PAPOLG: variants seen among roughly 807,000 people sequenced by gnomAD.
The protein encoded by PAPOLG is PAP-gamma.
A neutral mutation model predicts 99.0 loss-of-function variants in PAPOLG; 40 were observed. The observed-to-expected ratio is 0.40, with a 90% CI of 0.31 to 0.53. PAPOLG has a LOEUF of 0.53. Ranked by LOEUF, PAPOLG falls within the 20% of genes least tolerant of loss-of-function variation. PAPOLG has a pLI of 0.41. For missense variants in PAPOLG, 675 were observed against 884.1 expected, an observed-to-expected ratio of 0.76 and a Z score of 3.00; for synonymous variants, 310 against 299.3, an observed-to-expected ratio of 1.04 and a Z score of -0.37.
intron 19 of PAPOLG, 101 bp downstream of exon 19, chr2:60,794,292 G>A: frequency 1.7e-6 from 2 of 1,203,112 alleles, no homozygotes; most frequent in East Asian, 2.6e-5. Flanking sequence ...TTAGGAGTTG[G>A]CTGAAAAGAA....
chr2:60,761,973 G>A (rs934768695), intron 3 of PAPOLG, among the ~76,000 whole-genome samples, 166 bp downstream of exon 3: 1 of 152,266 alleles, frequency 6.6e-6, no homozygotes, highest in South Asian at 2.1e-4. Context: ...AGTAGATGAG[G>A]ATTACCCAGA....
At chr2:60,791,712 C>G (rs2103822299) in intron 15 of PAPOLG, 49 bp from the exon 16 acceptor site, 2 of 1,556,012 alleles carry the variant, frequency 1.3e-6, no homozygotes, top group African/African-American at 1.4e-5. Flanking sequence ...TAGGCAGAAC[C>G]CTTGGTTCAG....
chr2:60,776,571 G>T (rs890119901), intron 8 of PAPOLG, among the ~76,000 whole-genome samples: 7 of 151,886 alleles, frequency 4.6e-5, no homozygotes, highest in Non-Finnish European at 1.5e-5. Context: ...GGAATTACAG[G>T]CATGTGCCAC....
At chr2:60,772,421 T>G (rs1156321230) in intron 7 of PAPOLG, among the ~76,000 whole-genome samples, 1 of 145,080 alleles carries the variant, frequency 6.9e-6, no homozygotes, top group Non-Finnish European at 1.5e-5. Context: ...CACTCTAGCT[T>G]AGGTGACAGA....
chr2:60,779,439 C>G, intron 8 of PAPOLG, 198 bp from the exon 9 acceptor site: 1 of 526,092 alleles, frequency 1.9e-6, no homozygotes, highest in East Asian at 3.0e-5. Context: ...ACTAATTAGA[C>G]TGTGGGCCTA....
intron 14 of PAPOLG, 95 bp from the exon 15 acceptor site, chr2:60,787,416 G>A (rs1313281277): frequency 7.1e-7 from 1 of 1,405,050 alleles, no homozygotes; most frequent in African/African-American, 1.5e-5. Flanking sequence ...TTGTGAGATA[G>A]AGACATAGAG....
rs139081260 is a variant in PAPOLG at position 60,768,258 on chromosome 2, C to T, written c.247-212C>T. ...CTGGGATTACAGGTGGCCACCACCA[C>T]GCCCAGCTAACTTTTGTATTCCTAG... On this transcript the variant is annotated intron_variant, in intron 3 of 21. Transcript: ENST00000238714. Among the ~76,000 whole-genome samples, 98 of 152,288 alleles carry T rather than the reference C, an allele frequency of 6.4e-4. 2 individuals carry two copies. In the East Asian group the frequency reaches 0.015, roughly 24 times the overall value.
At chr2:60,791,573 A>C in intron 15 of PAPOLG, 188 bp from the exon 16 acceptor site, 3 of 488,964 alleles carry the variant, frequency 6.1e-6, no homozygotes, top group Non-Finnish European at 1.0e-5. Flanking sequence ...AAACTAGTGG[A>C]TTCATGAATA....
intron 8 of PAPOLG, among the ~76,000 whole-genome samples, chr2:60,777,222 G>T (rs929773578): frequency 6.6e-6 from 1 of 152,128 alleles, no homozygotes; most frequent in Admixed American, 6.6e-5. Flanking sequence ...TTGGGAGGCC[G>T]AGGCGAGCGG....
intron 1 of PAPOLG, 156 bp from the exon 2 acceptor site, chr2:60,759,978 C>A (rs1045438005): frequency 1.3e-5 from 3 of 225,144 alleles, no homozygotes; most frequent in African/African-American, 7.0e-5. Flanking sequence ...CATAAAATAC[C>A]CATTTTTCCT....
intron 3 of PAPOLG, among the ~76,000 whole-genome samples, chr2:60,766,899 A>G (rs891348337): frequency 6.6e-6 from 1 of 152,186 alleles, no homozygotes; most frequent in Non-Finnish European, 1.5e-5. Flanking sequence ...AGGCCCAAGG[A>G]TCCTTACCTC....
At chr2:60,778,312 A>AATTTT (rs70959864) in intron 8 of PAPOLG, among the ~76,000 whole-genome samples, 29,894 of 147,852 alleles carry the variant, frequency 0.2, 3,357 homozygotes, top group Middle Eastern at 0.25. Context: ...ACACCCGGCT[A>AATTTT]ATTTTATTTT....
At chr2:60,758,714 G>A (rs1670432723) in intron 1 of PAPOLG, among the ~76,000 whole-genome samples, 1 of 152,008 alleles carries the variant, frequency 6.6e-6, no homozygotes, top group Non-Finnish European at 1.5e-5. Flanking sequence ...CAGGCATGAG[G>A]CACCACGCCC....
chr2:60,774,109 T>G (rs1392350678), intron 7 of PAPOLG, among the ~76,000 whole-genome samples: 1 of 152,174 alleles, frequency 6.6e-6, no homozygotes, highest in Non-Finnish European at 1.5e-5. Context: ...TTGTTTTTTT[T>G]TTGAGACGGG....
Position 60,761,826 on chromosome 2 carries a change from T to C in PAPOLG, c.246+19T>C, listed in dbSNP as rs1242314810. 1 of 1,504,120 alleles carries C rather than the reference T, an allele frequency of 6.6e-7. No individual in the cohort carries two copies. Among genetic ancestry groups the C allele is most frequent in the South Asian group, 1.2e-5 (1 of 86,192 alleles). The allele number at this position is 1,504,120 out of a possible 1,614,324, so 93.2% of individuals were successfully genotyped here. A position where few individuals can be genotyped will look rare whatever the true frequency, so the allele number is the denominator to read the frequency against. On this transcript the variant is annotated intron_variant, in intron 3 of 21. Coordinates refer to ENST00000238714, the MANE Select transcript of PAPOLG (RefSeq NM_022894.4). ...GAGTAAGGTAAGACTCTAAACTATG[T>C]GGAATTCTTGTTTTTATTATATCTT... is the stretch of plus-strand genomic sequence containing the variant.
intron 12 of PAPOLG, 112 bp downstream of exon 12, chr2:60,782,882 A>C: frequency 1.6e-6 from 2 of 1,274,012 alleles, no homozygotes; most frequent in Non-Finnish European, 2.1e-6. Context: ...TAAGCAAGAG[A>C]GAATAGATTA....
At chr2:60,775,821 G>C (rs1403949927) in intron 8 of PAPOLG, among the ~76,000 whole-genome samples, 1 of 151,352 alleles carries the variant, frequency 6.6e-6, no homozygotes, top group Non-Finnish European at 1.5e-5. Context: ...CTGGAGTGCA[G>C]TGGGCAATCT....
chr2:60,784,898 A>T (rs1289255234), intron 13 of PAPOLG, among the ~76,000 whole-genome samples: 1 of 152,204 alleles, frequency 6.6e-6, no homozygotes, highest in Non-Finnish European at 1.5e-5. Flanking sequence ...ATGACACTGG[A>T]ATAACACAGA....
chr2:60,794,237 T>C, intron 19 of PAPOLG, 46 bp downstream of exon 19: 4 of 1,533,566 alleles, frequency 2.6e-6, no homozygotes, highest in Non-Finnish European at 3.5e-6. Context: ...ATATTTTTTA[T>C]AGTTAATACT....
Sources: allele counts gnomAD v4.1 joint callset (sites outside exome capture counted in the v4.1 genomes callset), GRCh38; gene constraint gnomAD v4.1.1; transcripts MANE v1.5; gene names NCBI Gene and HGNC (gene_info 2026-07-23, HGNC 2026-07-21).